The following ARFGAP3 variants were observed in gnomAD, a reference collection of about 807,000 sequenced individuals.
The protein encoded by ARFGAP3 is ADP-ribosylation factor GTPase-activating protein 3.
A neutral mutation model predicts 75.0 loss-of-function variants in ARFGAP3; 72 were observed. That is an observed-to-expected ratio of 0.96 (90% confidence interval 0.79 to 1.17). ARFGAP3 has a LOEUF of 1.17. Among genes scored for constraint, ARFGAP3 ranks in the 50% most tolerant of loss-of-function variants. The pLI is 0.00. For missense variants in ARFGAP3, 620 were observed against 626.6 expected, an observed-to-expected ratio of 0.99 and a Z score of 0.11; for synonymous variants, 221 against 217.9, an observed-to-expected ratio of 1.01 and a Z score of -0.13.
chr22:42,854,639 GAAAGAA>G (rs1413524085), intron 1 of ARFGAP3, among the ~76,000 whole-genome samples: 2 of 151,166 alleles, frequency 1.3e-5, no homozygotes, highest in Non-Finnish European at 3.0e-5. Flanking sequence ...AAAAAAAAAA[GAAAGAA>G]AAAGAAAAAA....
chr22:42,808,155 T>C (rs1204259908), intron 13 of ARFGAP3, among the ~76,000 whole-genome samples: 1 of 151,648 alleles, frequency 6.6e-6, no homozygotes. Context: ...ACCAGCACTT[T>C]GGGAGGCCGA....
At chr22:42,842,053 G>A (rs1192486068) in intron 2 of ARFGAP3, among the ~76,000 whole-genome samples, 2 of 143,604 alleles carry the variant, frequency 1.4e-5, no homozygotes, top group Admixed American at 1.4e-4. Context: ...TGCCCCGGCT[G>A]GAGTGCAATG....
chr22:42,832,337 G>A (rs1926330428), intron 5 of ARFGAP3, among the ~76,000 whole-genome samples: 1 of 151,712 alleles, frequency 6.6e-6, no homozygotes, highest in East Asian at 1.9e-4. Flanking sequence ...AGACCAGACT[G>A]GCCAATATGG....
intron 14 of ARFGAP3, among the ~76,000 whole-genome samples, chr22:42,804,643 G>C (rs1452219936): frequency 6.6e-6 from 1 of 152,048 alleles, no homozygotes; most frequent in Non-Finnish European, 1.5e-5. Flanking sequence ...GCCTCCCAAA[G>C]TACTGGGATT....
chr22:42,803,704 C>A (rs974431830), intron 14 of ARFGAP3, among the ~76,000 whole-genome samples: 1 of 152,158 alleles, frequency 6.6e-6, no homozygotes, highest in Admixed American at 6.5e-5. Context: ...TGGCTGCAGG[C>A]ACTTACATGC....
At chr22:42,826,527 G>A (rs1243328421) in intron 7 of ARFGAP3, among the ~76,000 whole-genome samples, 1 of 151,938 alleles carries the variant, frequency 6.6e-6, no homozygotes, top group African/African-American at 2.4e-5. Context: ...CTACAGATGT[G>A]TGCCACCACA....
In ARFGAP3 at chr22:42,797,310, G is replaced by A. The variant is rs553636278; in HGVS notation, c.*278C>T. 7 of 464,208 alleles carry A rather than the reference G, an allele frequency of 1.5e-5. 1 individual carries two copies. The highest frequency in any genetic ancestry group is 2.7e-5 in the Non-Finnish European group (7 of 260,096). 28.8% of individuals were successfully genotyped at this position (464,208 alleles called of 1,614,324 possible). On this transcript the variant is annotated 3_prime_UTR_variant, in exon 16 of 16. Transcript: ENST00000263245. The stretch of plus-strand genomic sequence containing the variant: ...GAGCCGAGGTCTCCAGGCCCTCAGT[G>A]TTGAAATCAAAGGTTCCAAGAAAAT...
At chr22:42,809,865 G>A (rs913304658) in intron 12 of ARFGAP3, among the ~76,000 whole-genome samples, 5 of 151,936 alleles carry the variant, frequency 3.3e-5, no homozygotes, top group East Asian at 1.9e-4. Flanking sequence ...TTAGCCAGGC[G>A]TGGTGGCGGG....
At chr22:42,837,636 AAAAC>A (rs1202860720) in intron 3 of ARFGAP3, among the ~76,000 whole-genome samples, 3 of 147,572 alleles carry the variant, frequency 2.0e-5, no homozygotes, top group African/African-American at 5.0e-5. Flanking sequence ...AAAAAAAAAA[AAAAC>A]CAAAAAAAAG....
At chr22:42,842,755 C>T (rs915587290) in intron 2 of ARFGAP3, among the ~76,000 whole-genome samples, 1 of 152,056 alleles carries the variant, frequency 6.6e-6, no homozygotes, top group Non-Finnish European at 1.5e-5. Context: ...TAGACAATCT[C>T]AGTAATTTCC....
rs766185977 is a variant in ARFGAP3 at position 42,857,183 on chromosome 22, C to A, written c.-1G>T. 5.3e-6 allele frequency: 8 copies of A among 1,512,228 alleles called. No individual in the cohort carries two copies. The highest frequency in any genetic ancestry group is 4.9e-5 in the South Asian group (4 of 80,902). 93.7% of individuals were successfully genotyped at this position (1,512,228 alleles called of 1,614,324 possible). ...TGTCCTGCTTGCTGGGGTCCCCCATCGTCAGCTGTGAGCCGCGGCGCAGCT... is the reference window on the plus strand; with the variant it reads ...TGTCCTGCTTGCTGGGGTCCCCCATAGTCAGCTGTGAGCCGCGGCGCAGCT... On this transcript the variant is annotated 5_prime_UTR_variant, in exon 1 of 16. Coordinates refer to ENST00000263245, the MANE Select transcript of ARFGAP3 (RefSeq NM_014570.5).
At chr22:42,809,394 G>T (rs1010124093) in intron 12 of ARFGAP3, among the ~76,000 whole-genome samples, 10 of 152,154 alleles carry the variant, frequency 6.6e-5, no homozygotes, top group Admixed American at 6.5e-4. Context: ...CAAGTAAGAG[G>T]AATGAATACA....
At chr22:42,830,626 G>T (rs1057079045) in intron 6 of ARFGAP3, among the ~76,000 whole-genome samples, 1 of 152,302 alleles carries the variant, frequency 6.6e-6, no homozygotes, top group African/African-American at 2.4e-5. Context: ...CTTTAAAACA[G>T]AAAGAGCTGA....
In ARFGAP3 at chr22:42,832,503, C is replaced by T. The variant is rs564844747; in HGVS notation, c.478-867G>A. Among the ~76,000 whole-genome samples, 4 of 143,012 alleles carry T rather than the reference C, an allele frequency of 2.8e-5. No homozygotes were observed. In the South Asian group the frequency reaches 6.6e-4, roughly 24 times the overall value. The allele number at this position is 143,012 out of a possible 152,430, so 93.8% of individuals were successfully genotyped here. On this transcript the variant is annotated intron_variant, in intron 5 of 15. Coordinates refer to ENST00000263245, the MANE Select transcript of ARFGAP3 (RefSeq NM_014570.5). ...CCAAGATTGTGCCAGTGCACTCCAA[C>T]GTGGGTGACAGAAGAGTAAGACTCC...
At chr22:42,800,040 T>C (rs762669275) in intron 14 of ARFGAP3, among the ~76,000 whole-genome samples, 1 of 152,196 alleles carries the variant, frequency 6.6e-6, no homozygotes, top group Non-Finnish European at 1.5e-5. Flanking sequence ...TGGGTGAAGT[T>C]CATCAGGGTT....
chr22:42,835,263 C>A, intron 4 of ARFGAP3, 99 bp downstream of exon 4: 2 of 1,394,044 alleles, frequency 1.4e-6, no homozygotes, highest in Non-Finnish European at 1.9e-6. Context: ...CCTTGTAAGA[C>A]AACTCAGGTA....
At position 42,832,987 on chromosome 22, in the gene ARFGAP3, T is replaced by TAAA. The variant is rs1555898580; in HGVS notation, c.477+1252_477+1254dup. Among the ~76,000 whole-genome samples, 632 of 136,138 alleles carry TAAA rather than the reference T, an allele frequency of 4.6e-3. 7 individuals carry two copies. Among genetic ancestry groups the TAAA allele is most frequent in the African/African-American group, 0.017 (619 of 36,944 alleles). 89.3% of individuals were successfully genotyped at this position (136,138 alleles called of 152,430 possible). A position where few individuals can be genotyped will look rare whatever the true frequency, so the allele number is the denominator to read the frequency against. On this transcript the variant is annotated intron_variant, in intron 5 of 15. Coordinates refer to ENST00000263245, the MANE Select transcript of ARFGAP3 (RefSeq NM_014570.5). ...GAAACAAGAGGGAAAACTCCGTCTT[T>TAAA]AAAAAAAAAAAAAAAGAAAGGAAGA...
intron 11 of ARFGAP3, 128 bp downstream of exon 11, chr22:42,817,014 C>T (rs759704970): frequency 3.2e-5 from 22 of 683,622 alleles, no homozygotes; most frequent in Admixed American, 1.7e-4. Context: ...GCTCTGGCTC[C>T]AGCCAGAGCT....
At chr22:42,844,344 G>A (rs192976125) in intron 2 of ARFGAP3, among the ~76,000 whole-genome samples, 84 of 152,140 alleles carry the variant, frequency 5.5e-4, no homozygotes, top group African/African-American at 2.0e-3. Flanking sequence ...CAGCACTTTG[G>A]GAAGCTGAGG....
Sources: allele counts gnomAD v4.1 joint callset (sites outside exome capture counted in the v4.1 genomes callset), GRCh38; gene constraint gnomAD v4.1.1; transcripts MANE v1.5; gene names NCBI Gene and HGNC (gene_info 2026-07-23, HGNC 2026-07-21).